RTN4RL1: variants seen among roughly 807,000 people sequenced by gnomAD.
RTN4RL1 encodes the protein reticulon 4 receptor like 1, also known as reticulon-4 receptor-like 1.
Under a neutral mutation model 25.6 loss-of-function variants are expected in RTN4RL1, and 7 were observed. The ratio of observed to expected loss-of-function variants is 0.27; its 90% CI spans 0.16 to 0.51. The LOEUF is 0.51. Ranked by LOEUF, RTN4RL1 falls within the 20% of genes least tolerant of loss-of-function variation. The pLI is 0.97. For synonymous variants in RTN4RL1, 297 were observed against 288.2 expected, an observed-to-expected ratio of 1.03 and a Z score of -0.31; for missense variants, 500 against 615.6, an observed-to-expected ratio of 0.81 and a Z score of 1.99.
intron 1 of RTN4RL1, among the ~76,000 whole-genome samples, chr17:1,955,731 C>T (rs935132515): frequency 4.6e-5 from 7 of 151,702 alleles, no homozygotes; most frequent in Admixed American, 2.6e-4. Flanking sequence ...TTACAGGCGC[C>T]CACCACCATG....
chr17:1,990,466 C>T (rs1289015400), intron 1 of RTN4RL1, among the ~76,000 whole-genome samples: 1 of 152,106 alleles, frequency 6.6e-6, no homozygotes, highest in Non-Finnish European at 1.5e-5. Context: ...GAGGCTAAGG[C>T]AAGGCAGGAG....
intron 1 of RTN4RL1, among the ~76,000 whole-genome samples, chr17:1,977,640 G>A (rs2066848313): frequency 6.6e-6 from 1 of 152,256 alleles, no homozygotes; most frequent in African/African-American, 2.4e-5. Flanking sequence ...GGAGCGGTAA[G>A]TGGGGGCGGG....
intron 1 of RTN4RL1, among the ~76,000 whole-genome samples, chr17:1,979,452 G>A (rs1214085472): frequency 6.6e-6 from 1 of 152,134 alleles, no homozygotes; most frequent in Non-Finnish European, 1.5e-5. Flanking sequence ...ACTCCAGCCT[G>A]GGTGACACAG....
intron 1 of RTN4RL1, among the ~76,000 whole-genome samples, chr17:1,964,977 C>G (rs62069177): frequency 0.22 from 33,164 of 150,308 alleles, 4,032 homozygotes; most frequent in Middle Eastern, 0.29. Context: ...TTAGTAGAGA[C>G]AGGGTTTCAC....
intron 1 of RTN4RL1, among the ~76,000 whole-genome samples, chr17:2,024,235 T>G (rs2067246106): frequency 6.6e-6 from 1 of 152,190 alleles, no homozygotes. Context: ...GGCACGGCTT[T>G]CGCGTCCCTC....
chr17:1,935,709 GTGTATATATATATATATATA>G lies in RTN4RL1; in HGVS notation c.*767_*786del, dbSNP rs1446099110. The G allele has an allele frequency of 1.5e-5, 3 of 199,204 alleles. No homozygotes were observed. The highest frequency in any genetic ancestry group is 2.1e-5 in the Non-Finnish European group (3 of 143,670). 12.3% of individuals were successfully genotyped at this position (199,204 alleles called of 1,614,324 possible). On this transcript the variant is annotated 3_prime_UTR_variant, in exon 2 of 2. Coordinates refer to ENST00000331238, the MANE Select transcript of RTN4RL1 (RefSeq NM_178568.4). Reference sequence around the variant, plus strand: ...GGAGTGGGAGGGGGACTGTGCATTTGTGTATATATATATATATATATATATATATATATATATATATATAT... The same window carrying G: ...GGAGTGGGAGGGGGACTGTGCATTTGTATATATATATATATATATATATAT...
intron 1 of RTN4RL1, among the ~76,000 whole-genome samples, chr17:1,984,343 A>G (rs2066879406): frequency 6.6e-6 from 1 of 152,158 alleles, no homozygotes; most frequent in Non-Finnish European, 1.5e-5. Context: ...GAGGAGGCTG[A>G]GTTCTATCCC....
rs550264003 is a variant in RTN4RL1 at position 1,985,401 on chromosome 17, A to T, written c.13+39452T>A. ...CCCCAGGGCTCGCAAGCCGCCTGGC[A>T]GATGGGAAACGAAGATCCCATTCCC... On this transcript the variant is annotated intron_variant, in intron 1 of 1. Coordinates refer to ENST00000331238, the MANE Select transcript of RTN4RL1 (RefSeq NM_178568.4). 3.9e-5 allele frequency among the ~76,000 whole-genome samples: 6 copies of T among 152,324 alleles called. No individual in the cohort carries two copies. The East Asian group carries it at 1.2e-3, about 29-fold the overall frequency.
chr17:1,982,841 G>A (rs928320196), intron 1 of RTN4RL1, among the ~76,000 whole-genome samples: 6 of 152,270 alleles, frequency 3.9e-5, no homozygotes, highest in African/African-American at 1.2e-4. Flanking sequence ...CTGAGCAGGA[G>A]GTAAAGCGAA....
intron 1 of RTN4RL1, among the ~76,000 whole-genome samples, chr17:2,000,255 G>A (rs2066951031): frequency 6.6e-6 from 1 of 152,232 alleles, no homozygotes; most frequent in Non-Finnish European, 1.5e-5. Flanking sequence ...AAGGATATTG[G>A]GTGCCTTGTT....
At chr17:1,982,648 GA>G (rs928184138) in intron 1 of RTN4RL1, among the ~76,000 whole-genome samples, 2 of 149,694 alleles carry the variant, frequency 1.3e-5, no homozygotes, top group Admixed American at 6.6e-5. Context: ...GAAAAGAAAA[GA>G]AACTCTGGGA....
intron 1 of RTN4RL1, among the ~76,000 whole-genome samples, chr17:2,013,869 C>T (rs1272295600): frequency 6.6e-6 from 1 of 152,106 alleles, no homozygotes; most frequent in Admixed American, 6.5e-5. Context: ...AGCTCTCTCA[C>T]CCTTGGGGTT....
intron 1 of RTN4RL1, among the ~76,000 whole-genome samples, chr17:2,010,424 C>G (rs1184299402): frequency 2.0e-5 from 3 of 152,164 alleles, no homozygotes; most frequent in Non-Finnish European, 4.4e-5. Context: ...TTGCAGTGAG[C>G]CAAGATCTTG....
At chr17:1,971,666 C>CA (rs57067588) in intron 1 of RTN4RL1, among the ~76,000 whole-genome samples, 86,182 of 148,552 alleles carry the variant, frequency 0.58, 25,019 homozygotes, top group Admixed American at 0.7. Flanking sequence ...CCTGTCTCTA[C>CA]AAAAAAAAAA....
At chr17:1,978,224 C>A (rs1274795768) in intron 1 of RTN4RL1, among the ~76,000 whole-genome samples, 1 of 152,232 alleles carries the variant, frequency 6.6e-6, no homozygotes, top group Non-Finnish European at 1.5e-5. Flanking sequence ...CGTCGCATCA[C>A]CGGCCTTGAA....
chr17:1,942,656 T>C (rs4073661), intron 1 of RTN4RL1, among the ~76,000 whole-genome samples: 111,194 of 152,018 alleles, frequency 0.73, 41,056 homozygotes, highest in Middle Eastern at 0.8. Context: ...GAGAGCTGTG[T>C]TGTGTTCAGG....
chr17:1,999,427 C>CA (rs1409422587), intron 1 of RTN4RL1, among the ~76,000 whole-genome samples: 6 of 148,986 alleles, frequency 4.0e-5, no homozygotes, highest in African/African-American at 1.5e-4. Context: ...GCCTGAGCAA[C>CA]AGAGCAAGAC....
Position 2,025,095 on chromosome 17 carries a change from C to G in RTN4RL1, c.-230G>C, listed in dbSNP as rs889107313. ...ACCGTGGTGCTGCCCGGCAGCCCCG[C>G]GCGCTTGCTCAGCCCCGGGGCGAGC... On this transcript the variant is annotated 5_prime_UTR_variant, in exon 1 of 2. Coordinates refer to ENST00000331238, the MANE Select transcript of RTN4RL1 (RefSeq NM_178568.4). The surrounding 1 kb of genome is among the most constrained non-coding windows in gnomAD (Gnocchi z 4.8). 7 of 385,378 alleles carry G rather than the reference C, an allele frequency of 1.8e-5. No individual in the cohort carries two copies. The highest frequency in any genetic ancestry group is 1.5e-4 in the African/African-American group (7 of 47,240). 23.9% of individuals were successfully genotyped at this position (385,378 alleles called of 1,614,324 possible). A position where few individuals can be genotyped will look rare whatever the true frequency, so the allele number is the denominator to read the frequency against.
chr17:1,950,715 C>G (rs541566335), intron 1 of RTN4RL1, among the ~76,000 whole-genome samples: 1 of 151,384 alleles, frequency 6.6e-6, no homozygotes, highest in African/African-American at 2.4e-5. Flanking sequence ...GGTGTGGTGG[C>G]GCGCACCTGT....
Sources: allele counts gnomAD v4.1 joint callset (sites outside exome capture counted in the v4.1 genomes callset), GRCh38; gene constraint gnomAD v4.1.1; non-coding constraint Gnocchi (gnomAD v3.1); transcripts MANE v1.5; gene names NCBI Gene and HGNC (gene_info 2026-07-23, HGNC 2026-07-21).